RARB: variants seen among roughly 807,000 people sequenced by gnomAD.
RARB encodes HBV-activated protein.
A neutral mutation model predicts 51.9 loss-of-function variants in RARB; 17 were observed. The observed-to-expected ratio is 0.33, with a 90% CI of 0.22 to 0.49. The LOEUF (loss-of-function observed/expected upper bound fraction) is 0.49, where lower values mean the gene tolerates loss of function less well. Ranked by LOEUF, RARB falls within the 20% of genes least tolerant of loss-of-function variation. RARB has a pLI of 0.99. For synonymous variants in RARB, 215 were observed against 195.4 expected (o/e 1.10, Z -0.84); for missense variants, 369 against 550.8 (o/e 0.67, Z 3.30).
chr3:25,298,146 A>G (rs766993072), intron 5 of RARB, among the ~76,000 whole-genome samples: 11 of 151,822 alleles, frequency 7.2e-5, no homozygotes, highest in Non-Finnish European at 4.4e-5. Flanking sequence ...TTGACTATGT[A>G]AACACTCACG....
intron 1 of RARB, among the ~76,000 whole-genome samples, chr3:25,447,486 C>T (rs990399383): frequency 6.6e-6 from 1 of 152,146 alleles, no homozygotes; most frequent in Admixed American, 6.5e-5. Flanking sequence ...GGGTCTGGTC[C>T]CTGGCAGGTG....
chr3:25,338,133 A>T (rs2125449150), intron 5 of RARB, among the ~76,000 whole-genome samples: 1 of 147,948 alleles, frequency 6.8e-6, no homozygotes, highest in South Asian at 2.2e-4. Flanking sequence ...ACACACACAC[A>T]CAGAATTAAG....
chr3:25,285,627 G>T (rs1703631648), intron 5 of RARB, among the ~76,000 whole-genome samples: 2 of 152,170 alleles, frequency 1.3e-5, no homozygotes, highest in African/African-American at 4.8e-5. Context: ...ATGACCAAGG[G>T]TTGGAGAGAG....
chr3:24,980,691 C>T (rs1696641822), intron 2 of RARB, among the ~76,000 whole-genome samples: 1 of 152,092 alleles, frequency 6.6e-6, no homozygotes. Flanking sequence ...TTTTTAGCTT[C>T]TTTATGATGG....
chr3:25,276,059 T>C (rs1476765529), intron 5 of RARB, among the ~76,000 whole-genome samples: 1 of 152,224 alleles, frequency 6.6e-6, no homozygotes, highest in Non-Finnish European at 1.5e-5. Flanking sequence ...AGCTTCCCCT[T>C]CTGTAAAATG....
intron 1 of RARB, among the ~76,000 whole-genome samples, chr3:24,853,085 C>T (rs1383835713): frequency 6.6e-6 from 1 of 150,994 alleles, no homozygotes; most frequent in Non-Finnish European, 1.5e-5. Context: ...GAGGCCGAGA[C>T]GGGTGGATCA....
chr3:25,353,921 T>C (rs775434789), intron 5 of RARB, among the ~76,000 whole-genome samples: 10 of 152,092 alleles, frequency 6.6e-5, no homozygotes, highest in Admixed American at 5.3e-4. Flanking sequence ...GTTTTGCAAA[T>C]CTCATAATAT....
At chr3:25,498,948 AC>A (rs1183415062) in intron 2 of RARB, among the ~76,000 whole-genome samples, 1 of 152,182 alleles carries the variant, frequency 6.6e-6, no homozygotes, top group African/African-American at 2.4e-5. Flanking sequence ...AGTATTTGTA[AC>A]CTGTTATTTT....
chr3:25,127,140 G>A (rs117463319), intron 3 of RARB, among the ~76,000 whole-genome samples: 3,218 of 152,194 alleles, frequency 0.021, 87 homozygotes, highest in African/African-American at 0.064. Flanking sequence ...GATCTTGGAA[G>A]AGTATAAACT....
chr3:25,555,128 G>GTGAATGAA (rs146848147), intron 3 of RARB, among the ~76,000 whole-genome samples: 2 of 152,114 alleles, frequency 1.3e-5, no homozygotes, highest in African/African-American at 4.8e-5. Context: ...AATAAAATTA[G>GTGAATGAA]TGAATGAATG....
chr3:25,140,594 G>T (rs537759613), intron 4 of RARB, among the ~76,000 whole-genome samples: 1 of 152,158 alleles, frequency 6.6e-6, no homozygotes, highest in African/African-American at 2.4e-5. Context: ...TGTGAACATT[G>T]TTGAAATGAC....
intron 4 of RARB, among the ~76,000 whole-genome samples, chr3:25,140,057 C>T (rs925227467): frequency 2.6e-5 from 4 of 151,576 alleles, no homozygotes; most frequent in Non-Finnish European, 5.9e-5. Flanking sequence ...CCTGGTCACT[C>T]AAGAGGTGGA....
Position 24,910,859 on chromosome 3 carries a change from C to T in RARB, c.-380+52107C>T, listed in dbSNP as rs867498603. 3.3e-5 allele frequency among the ~76,000 whole-genome samples: 5 copies of T among 152,170 alleles called. No homozygotes were observed. The South Asian group carries it at 1.0e-3, about 31-fold the overall frequency. ...TGGCTACAACTCAGTTTTGTGGCTA[C>T]TCCTGACCACAAGGGAGGCTAGTAG... On this transcript the variant is annotated intron_variant, in intron 2 of 11. Transcript: ENST00000383772.
intron 2 of RARB, among the ~76,000 whole-genome samples, chr3:25,468,534 G>C (rs1695545987): frequency 7.0e-6 from 1 of 142,656 alleles, no homozygotes; most frequent in South Asian, 2.3e-4. Flanking sequence ...GCTAGAGCTG[G>C]GATTCAAATC....
In RARB at chr3:25,380,134, T is replaced by A. The variant is rs73157821; in HGVS notation, c.179-81059T>A. On this transcript the variant is annotated intron_variant, in intron 5 of 11. Transcript: ENST00000383772. Reference sequence around the variant, plus strand: ...CATAATAGAAATGTAAAGAGAAAAATCTGACAACTAATGGGAAAGGGAAAG... The same window carrying A: ...CATAATAGAAATGTAAAGAGAAAAAACTGACAACTAATGGGAAAGGGAAAG... Among the ~76,000 whole-genome samples the A allele has an allele frequency of 5.6e-3, 851 of 152,068 alleles. 11 individuals are homozygous for A. The highest frequency in any genetic ancestry group is 0.019 in the African/African-American group (806 of 41,444).
intron 3 of RARB, among the ~76,000 whole-genome samples, chr3:25,527,878 A>G (rs1698724211): frequency 6.6e-6 from 1 of 152,070 alleles, no homozygotes; most frequent in South Asian, 2.1e-4. Flanking sequence ...TTCGCCCCCC[A>G]CAGATTTTCT....
At chr3:24,898,740 C>A (rs1233762137) in intron 2 of RARB, among the ~76,000 whole-genome samples, 1 of 152,144 alleles carries the variant, frequency 6.6e-6, no homozygotes, top group African/African-American at 2.4e-5. Flanking sequence ...GCTCCAGTAA[C>A]CCCACTATGG....
chr3:25,580,454 G>A, intron 4 of RARB, 92 bp from the exon 5 acceptor site: 2 of 1,252,444 alleles, frequency 1.6e-6, no homozygotes, highest in Non-Finnish European at 2.2e-6. Flanking sequence ...AGGCTGACAT[G>A]TCACCCCCTC....
chr3:24,890,840 T>C (rs1166990545), intron 2 of RARB, among the ~76,000 whole-genome samples: 1 of 150,732 alleles, frequency 6.6e-6, no homozygotes, highest in African/African-American at 2.5e-5. Flanking sequence ...ATGAGGGCTC[T>C]GGAGTAATAA....
Sources: gnomAD v4.1 joint callset for allele counts (sites outside exome capture counted in the v4.1 genomes callset) on GRCh38, gnomAD v4.1.1 for gene constraint, MANE v1.5 for transcripts, NCBI Gene and HGNC (gene_info 2026-07-23, HGNC 2026-07-21) for gene names.